The following TGIF1 variants were observed in gnomAD, a reference collection of about 807,000 sequenced individuals.
TGIF1 encodes homeobox protein TGIF1.
In TGIF1, 4 loss-of-function variants were observed where a neutral mutation model predicts 19.3. The observed-to-expected ratio is 0.21, with a 90% CI of 0.10 to 0.47. The LOEUF (loss-of-function observed/expected upper bound fraction) is 0.47. Ranked by LOEUF, TGIF1 falls within the 20% of genes least tolerant of loss-of-function variation. TGIF1 has a pLI of 0.98. For missense variants in TGIF1, 275 were observed against 341.4 expected, an observed-to-expected ratio of 0.81 and a Z score of 1.53; for synonymous variants, 122 against 129.3, an observed-to-expected ratio of 0.94 and a Z score of 0.38.
chr18:3,415,650 A>C (rs1390619733), intron 1 of TGIF1: 1 of 195,902 alleles, frequency 5.1e-6, no homozygotes, highest in Non-Finnish European at 1.1e-5. Flanking sequence ...TTGGTTACAT[A>C]AGAGTGCAAC....
intron 2 of TGIF1, among the ~76,000 whole-genome samples, chr18:3,440,119 G>A (rs1358820562): frequency 1.3e-5 from 2 of 152,160 alleles, no homozygotes; most frequent in Admixed American, 1.3e-4. Flanking sequence ...GGGAGGCTGA[G>A]GAGAGCAGAT....
chr18:3,450,496 G>A lies in TGIF1; in HGVS notation c.7G>A (p.Gly3Ser), dbSNP rs978150027. The A allele has an allele frequency of 1.3e-6, 2 of 1,563,426 alleles. No homozygotes were observed. The highest frequency in any genetic ancestry group is 1.9e-5 in the Admixed American group (1 of 52,520). The change falls in exon 1 of 3, where the codon GGC becomes AGC. Residue 3 changes from glycine to serine, a missense_variant. Physicochemically the swap from Gly to Ser is moderately conservative, Grantham distance 56. Transcript: ENST00000343820. ...CTGGGAGGGGAGATCCAGAATGAAA[G>A]GCAAGAAAGGTAAGGCGGCCGCGGG... MK[G>S]KKGIVAASGS...
intron 2 of TGIF1, among the ~76,000 whole-genome samples, chr18:3,436,091 G>A (rs776048615): frequency 2.0e-4 from 31 of 152,122 alleles, no homozygotes; most frequent in Admixed American, 3.9e-4. Flanking sequence ...GCCTGAGCAC[G>A]TTCCTCTTTT....
intron 2 of TGIF1, among the ~76,000 whole-genome samples, chr18:3,420,056 G>C (rs900207047): frequency 1.3e-5 from 2 of 151,928 alleles, no homozygotes; most frequent in East Asian, 3.9e-4. Context: ...TTAAACACGG[G>C]TTTGTAATCA....
upstream of TGIF1, chr18:3,449,960 G>C (rs1212459427): frequency 1.0e-6 from 1 of 987,052 alleles, no homozygotes; most frequent in African/African-American, 1.7e-5. Flanking sequence ...GTGCGCGGCA[G>C]GCGGAAAGGA....
chr18:3,449,534 T>C (rs978505235), upstream of TGIF1: 9 of 985,278 alleles, frequency 9.1e-6, no homozygotes, highest in Non-Finnish European at 1.1e-5. Flanking sequence ...CTGTGTCTCA[T>C]CATTCCCCCC....
In TGIF1 at chr18:3,450,518, C is replaced by T. The variant is rs977504542; in HGVS notation, c.16+13C>T. On this transcript the variant is annotated intron_variant, in intron 1 of 2. Transcript: ENST00000343820. ...AAAGGCAAGAAAGGTAAGGCGGCCG[C>T]GGGCTGCGCGCACCAGAAGACGCGA... 8 of 1,560,014 alleles carry T rather than the reference C, an allele frequency of 5.1e-6. No individual in the cohort carries two copies. The highest frequency in any genetic ancestry group is 4.7e-5 in the South Asian group (4 of 84,660).
rs1381821321 is a variant in TGIF1, at chr18:3,456,690, A to G, written c.243+110A>G. The G allele has an allele frequency of 1.0e-6, 1 of 972,282 alleles. No individual in the cohort carries two copies. Among genetic ancestry groups the G allele is most frequent in the Admixed American group, 1.9e-5 (1 of 51,440 alleles). The allele number at this position is 972,282 out of a possible 1,614,324, so 60.2% of individuals were successfully genotyped here. ...CTCCTTGCCACTCAAAGACAGAAGG[A>G]ATATCTTTTTATTGTAAACTTGATA... On this transcript the variant is annotated intron_variant, in intron 2 of 2. Transcript: ENST00000343820. The surrounding 1 kb of genome is among the most constrained non-coding windows in gnomAD (Gnocchi z 4.2).
upstream of TGIF1, chr18:3,448,343 G>T (rs1598888401): frequency 1.0e-6 from 1 of 985,240 alleles, no homozygotes; most frequent in Non-Finnish European, 1.2e-6. Flanking sequence ...CCCTTCAAAC[G>T]AAATAGCGAG....
chr18:3,457,136 G>A lies in TGIF1; in HGVS notation c.244-229G>A, dbSNP rs184996678. 2.0e-5 allele frequency: 12 copies of A among 607,942 alleles called. No individual in the cohort carries two copies. Among genetic ancestry groups the A allele is most frequent in the Admixed American group, 8.8e-5 (3 of 34,012 alleles). 37.7% of individuals were successfully genotyped at this position (607,942 alleles called of 1,614,324 possible). Reference sequence around the variant, plus strand: ...CGTCCTGAAAAGGTTTAAGTATGAAGAGACAAAAAAGGAAATTTGTATTAG... The same window carrying A: ...CGTCCTGAAAAGGTTTAAGTATGAAAAGACAAAAAAGGAAATTTGTATTAG... On this transcript the variant is annotated intron_variant, in intron 2 of 2. Coordinates refer to ENST00000343820, the MANE Select transcript of TGIF1 (RefSeq NM_003244.4). The surrounding 1 kb of genome is among the most constrained non-coding windows in gnomAD (Gnocchi z 4.9).
chr18:3,445,723 C>CAAAA (rs141550400), upstream of TGIF1, among the ~76,000 whole-genome samples: 176 of 17,600 alleles, frequency 0.01, 1 homozygote, highest in Admixed American at 0.016. Context: ...GACTCTGTCT[C>CAAAA]AAAAAAAAAA....
rs10675936 is a variant in TGIF1, at chr18:3,426,166, C to CTTTTTTTT, written c.-45+7964_-45+7971dup. ...CTCAGGCCCAGTTCTGGCTAGGGTC[C>CTTTTTTTT]TTTTTTTTTTTTTTTTTTTTGAGAC... On this transcript the variant is annotated intron_variant, in intron 2 of 3. Coordinates refer to the TGIF1 transcript ENST00000401449. Among the ~76,000 whole-genome samples, 200 of 116,582 alleles carry CTTTTTTTT rather than the reference C, an allele frequency of 1.7e-3. 12 individuals are homozygous for CTTTTTTTT. The highest frequency in any genetic ancestry group is 7.2e-3 in the African/African-American group (195 of 27,264). The allele number at this position is 116,582 out of a possible 152,430, so 76.5% of individuals were successfully genotyped here. A position where few individuals can be genotyped will look rare whatever the true frequency, so the allele number is the denominator to read the frequency against.
At chr18:3,447,712 C>T (rs1280224661), upstream of TGIF1, 3 of 1,614,026 alleles carry the variant, frequency 1.9e-6, no homozygotes, top group Non-Finnish European at 2.5e-6. Context: ...CTTTGGAGTG[C>T]CTCGCCAGCT....
Position 3,459,841 on chromosome 18 carries a change from G to GT in TGIF1, c.*1902dup, listed in dbSNP as rs2143442116. On this transcript the variant is annotated 3_prime_UTR_variant, in exon 3 of 3. Transcript: ENST00000343820. ...TGATAATAGTTGGTGTTGAATGAAT[G>GT]TAATCCATTATTTAAAAACAGGTAC... 6.6e-6 allele frequency: 1 copy of GT among 152,284 alleles called. No homozygotes were observed. Among genetic ancestry groups the GT allele is most frequent in the South Asian group, 2.1e-4 (1 of 4,834 alleles). 9.4% of individuals were successfully genotyped at this position (152,284 alleles called of 1,614,324 possible).
At chr18:3,450,167 C>G, upstream of TGIF1, 1 of 1,294,512 alleles carries the variant, frequency 7.7e-7, no homozygotes, top group Non-Finnish European at 9.8e-7. Flanking sequence ...CTCCTCGCCT[C>G]TCTCACTCTG....
At chr18:3,452,727 C>T (rs926309848) in intron 1 of TGIF1, among the ~76,000 whole-genome samples, 4 of 152,162 alleles carry the variant, frequency 2.6e-5, no homozygotes, top group South Asian at 2.1e-4. Context: ...GGGAGCCTTC[C>T]CCGTCGGCTC....
chr18:3,444,533 T>C (rs2082716739), intron 2 of TGIF1, among the ~76,000 whole-genome samples: 1 of 152,168 alleles, frequency 6.6e-6, no homozygotes, highest in Non-Finnish European at 1.5e-5. Flanking sequence ...AGCTCCCATA[T>C]AGTCTCACTT....
intron 2 of TGIF1, among the ~76,000 whole-genome samples, chr18:3,419,298 G>T (rs779311336): frequency 6.6e-6 from 1 of 152,162 alleles, no homozygotes; most frequent in Admixed American, 6.6e-5. Flanking sequence ...TTAACTTTCT[G>T]TAGGGAAATA....
rs150487363 is a variant in TGIF1, at chr18:3,443,023, T to A, written c.-44-13331T>A. On this transcript the variant is annotated intron_variant, in intron 2 of 3. Transcript: ENST00000401449. ...CTATCAAAATTCTGAATGAAACACG[T>A]TTTGATGCAGCTATTCCACCTCCCA... Among the ~76,000 whole-genome samples the A allele has an allele frequency of 2.2e-3, 339 of 152,286 alleles. 2 individuals are homozygous for A. The highest frequency in any genetic ancestry group is 7.3e-3 in the African/African-American group (303 of 41,548).
Sources: allele counts gnomAD v4.1 joint callset (sites outside exome capture counted in the v4.1 genomes callset), GRCh38; gene constraint gnomAD v4.1.1; non-coding constraint Gnocchi (gnomAD v3.1); transcripts MANE v1.5; gene names NCBI Gene and HGNC (gene_info 2026-07-23, HGNC 2026-07-21).